The following PSTPIP2 variants were observed in gnomAD, a reference collection of about 807,000 sequenced individuals.
The protein encoded by PSTPIP2 is proline-serine-threonine phosphatase interacting protein 2.
PSTPIP2 carries 33 observed loss-of-function variants against 63.3 expected under a neutral mutation model. The observed-to-expected ratio is 0.52, with a 90% confidence interval of 0.40 to 0.70. The LOEUF is 0.70. PSTPIP2 is among the 30% of genes least tolerant of loss of function. The pLI is 0.00. For missense variants in PSTPIP2, 312 were observed against 400.7 expected, an observed-to-expected ratio of 0.78 and a Z score of 1.89; for synonymous variants, 125 against 132.7, an observed-to-expected ratio of 0.94 and a Z score of 0.40.
At chr18:46,028,424 G>C (rs530050333) in intron 2 of PSTPIP2, 1 of 545,500 alleles carries the variant, frequency 1.8e-6, no homozygotes, top group Non-Finnish European at 3.6e-6. Flanking sequence ...AGACGGCTCC[G>C]GCAGCGGAAC....
chr18:46,004,622 T>C (rs2051705070), intron 6 of PSTPIP2, among the ~76,000 whole-genome samples: 1 of 152,212 alleles, frequency 6.6e-6, no homozygotes, highest in African/African-American at 2.4e-5. Context: ...TTTTTGTATC[T>C]TTGCCTAAAA....
chr18:46,007,226 C>T (rs73953956), intron 5 of PSTPIP2, among the ~76,000 whole-genome samples: 89 of 152,258 alleles, frequency 5.8e-4, no homozygotes, highest in African/African-American at 2.0e-3. Flanking sequence ...TGAAGATATC[C>T]GGAAGGAATA....
At chr18:45,985,581 C>T in intron 14 of PSTPIP2, 131 bp from the exon 15 acceptor site, 1 of 791,546 alleles carries the variant, frequency 1.3e-6, no homozygotes, top group Non-Finnish European at 2.0e-6. Flanking sequence ...AATGGGTATT[C>T]CAAGCAATGA....
At chr18:46,046,747 C>G (rs971886814) in intron 1 of PSTPIP2, among the ~76,000 whole-genome samples, 1 of 152,210 alleles carries the variant, frequency 6.6e-6, no homozygotes, top group Non-Finnish European at 1.5e-5. Context: ...AGAGAAGACC[C>G]TCCATGGTTT....
At chr18:46,001,683 C>A (rs2051668080) in intron 6 of PSTPIP2, among the ~76,000 whole-genome samples, 1 of 152,162 alleles carries the variant, frequency 6.6e-6, no homozygotes, top group Non-Finnish European at 1.5e-5. Context: ...TCAACTTCTT[C>A]TTTCCCCAGC....
chr18:46,066,919 C>G (rs1305145000), intron 1 of PSTPIP2, among the ~76,000 whole-genome samples: 3 of 151,054 alleles, frequency 2.0e-5, no homozygotes, highest in Admixed American at 2.0e-4. Context: ...CCCAGCTACT[C>G]GGGAGGCTGA....
chr18:46,060,274 G>A (rs1908942655), intron 1 of PSTPIP2, among the ~76,000 whole-genome samples: 2 of 152,034 alleles, frequency 1.3e-5, no homozygotes, highest in Non-Finnish European at 2.9e-5. Flanking sequence ...TTTTGAAAGT[G>A]ATTTCCACTC....
At chr18:46,004,419 T>C (rs1157850490) in intron 6 of PSTPIP2, among the ~76,000 whole-genome samples, 1 of 152,240 alleles carries the variant, frequency 6.6e-6, no homozygotes, top group African/African-American at 2.4e-5. Flanking sequence ...GAGAGATTTC[T>C]AGCAACTTGT....
At chr18:45,988,851 T>A in intron 13 of PSTPIP2, 92 bp from the exon 14 acceptor site, 1 of 1,037,802 alleles carries the variant, frequency 9.6e-7, no homozygotes. Flanking sequence ...CACTTACAGA[T>A]TCTGGTGTCT....
chr18:46,039,893 T>C, intron 2 of PSTPIP2, 54 bp downstream of exon 2: 1 of 1,425,964 alleles, frequency 7.0e-7, no homozygotes, highest in Non-Finnish European at 9.9e-7. Context: ...GTTCCTTGTC[T>C]GTGTGGAGAC....
At chr18:45,993,491 G>A in intron 10 of PSTPIP2, 114 bp downstream of exon 10, 1 of 924,732 alleles carries the variant, frequency 1.1e-6, no homozygotes, top group Non-Finnish European at 1.7e-6. Flanking sequence ...ATGGCCTTAG[G>A]CAAGTCACCT....
Position 45,997,746 on chromosome 18 carries a change from T to C in PSTPIP2, c.642+3A>G. On this transcript the variant is annotated splice_donor_region_variant and intron_variant, in intron 9 of 14. Transcript: ENST00000409746. ...GTCCTGAGCAGCTTCCGGTTACGGG[T>C]ACCTCGCAGGCCTTGATGTGCTCAC... 4 of 1,234,702 alleles carry C rather than the reference T, an allele frequency of 3.2e-6. No homozygotes were observed. Among genetic ancestry groups the C allele is most frequent in the Non-Finnish European group, 4.4e-6 (4 of 913,158 alleles). 76.5% of individuals were successfully genotyped at this position (1,234,702 alleles called of 1,614,324 possible). A position where few individuals can be genotyped will look rare whatever the true frequency, so the allele number is the denominator to read the frequency against.
intron 8 of PSTPIP2, 128 bp from the exon 9 acceptor site, chr18:45,997,956 G>A (rs2051620153): frequency 1.3e-6 from 1 of 750,992 alleles, no homozygotes. Context: ...AGGCCCCCAG[G>A]ACTCTGAGCA....
intron 3 of PSTPIP2, among the ~76,000 whole-genome samples, chr18:46,022,317 A>G (rs1312246305): frequency 6.6e-6 from 1 of 151,750 alleles, no homozygotes; most frequent in Non-Finnish European, 1.5e-5. Flanking sequence ...TGCTTGTTTT[A>G]GAAGCAAGAG....
chr18:46,049,648 G>A (rs967981154), intron 1 of PSTPIP2, among the ~76,000 whole-genome samples: 3 of 152,270 alleles, frequency 2.0e-5, no homozygotes, highest in African/African-American at 4.8e-5. Flanking sequence ...TTGGGAGGCC[G>A]AAGCAGGCGG....
At chr18:46,029,322 A>G (rs1907706500) in intron 2 of PSTPIP2, 1 of 1,553,076 alleles carries the variant, frequency 6.4e-7, no homozygotes, top group Non-Finnish European at 8.9e-7. Flanking sequence ...GATGAAGACC[A>G]AAGAACTGAT....
chr18:46,054,996 G>C (rs1908708669), intron 1 of PSTPIP2, among the ~76,000 whole-genome samples: 1 of 152,146 alleles, frequency 6.6e-6, no homozygotes, highest in African/African-American at 2.4e-5. Flanking sequence ...ACAGAAACTA[G>C]TTTTTAGTGA....
chr18:46,025,896 A>G (rs1228159749), intron 2 of PSTPIP2, among the ~76,000 whole-genome samples: 1 of 152,096 alleles, frequency 6.6e-6, no homozygotes, highest in East Asian at 1.9e-4. Flanking sequence ...CTGGGACTAC[A>G]GGTGTGCGCC....
intron 1 of PSTPIP2, among the ~76,000 whole-genome samples, chr18:46,065,160 AAAAAG>A (rs1555693035): frequency 1.5e-4 from 23 of 150,342 alleles, no homozygotes; most frequent in African/African-American, 3.4e-4. Flanking sequence ...AAAAAAAAAA[AAAAAG>A]AAAAGAAAAG....
Sources: allele counts gnomAD v4.1 joint callset (sites outside exome capture counted in the v4.1 genomes callset), GRCh38; gene constraint gnomAD v4.1.1; transcripts MANE v1.5; gene names NCBI Gene and HGNC (gene_info 2026-07-23, HGNC 2026-07-21).